Variants in PHF20L1 observed in about 807,000 individuals in gnomAD.
PHF20L1 encodes the protein PHD finger protein 20 like 1.
Under a neutral mutation model 125.5 loss-of-function variants are expected in PHF20L1, and 44 were observed. The observed-to-expected ratio is 0.35, with a 90% CI of 0.28 to 0.45. The LOEUF is 0.45. Ranked by LOEUF, PHF20L1 falls within the 20% of genes least tolerant of loss-of-function variation. The probability of loss-of-function intolerance (pLI) is 1.00; values close to 1 mark genes in which losing one functional copy is unlikely to be tolerated. For missense variants in PHF20L1, 1,012 were observed against 1,217.2 expected (o/e 0.83, Z 2.51); for synonymous variants, 380 against 403.1 (o/e 0.94, Z 0.69).
intron 12 of PHF20L1, 115 bp from the exon 13 acceptor site, chr8:132,823,889 C>T (rs1263614645): frequency 3.4e-6 from 2 of 586,856 alleles, no homozygotes; most frequent in East Asian, 3.0e-5. Flanking sequence ...ACATGTAGAC[C>T]GTTAGGAGAA....
chr8:132,827,005 A>G (rs1836255205), intron 14 of PHF20L1: 1 of 151,978 alleles, frequency 6.6e-6, no homozygotes, highest in Non-Finnish European at 1.5e-5. Context: ...AGAATGTGAA[A>G]TTTTCACATT....
chr8:132,817,189 T>TA, intron 11 of PHF20L1, 113 bp downstream of exon 11: 1 of 896,550 alleles, frequency 1.1e-6, no homozygotes, highest in South Asian at 1.8e-5. Flanking sequence ...CTTCTGGAGT[T>TA]ATAAGCACTT....
intron 2 of PHF20L1, among the ~76,000 whole-genome samples, chr8:132,786,012 T>C (rs1830983457): frequency 6.6e-6 from 1 of 152,140 alleles, no homozygotes; most frequent in African/African-American, 2.4e-5. Flanking sequence ...TTTTGGGATA[T>C]CTTGAAATAA....
chr8:132,789,941 T>G (rs909652029), intron 2 of PHF20L1, among the ~76,000 whole-genome samples: 21 of 152,290 alleles, frequency 1.4e-4, no homozygotes, highest in African/African-American at 4.8e-4. Context: ...TCTTTTCTCT[T>G]TATCTCTAAT....
At chr8:132,832,498 T>G in intron 15 of PHF20L1, 99 bp downstream of exon 15, 2 of 798,914 alleles carry the variant, frequency 2.5e-6, no homozygotes, top group Non-Finnish European at 4.0e-6. Context: ...ATTTAAAAAC[T>G]TGTTAGCTAA....
chr8:132,803,017 C>T (rs747019302), intron 6 of PHF20L1, among the ~76,000 whole-genome samples: 9 of 151,776 alleles, frequency 5.9e-5, no homozygotes, highest in African/African-American at 1.9e-4. Flanking sequence ...ACACTTTATA[C>T]TTCCTTACAC....
intron 10 of PHF20L1, chr8:132,816,523 T>A (rs1011586270): frequency 5.6e-6 from 1 of 177,036 alleles, no homozygotes; most frequent in Non-Finnish European, 1.2e-5. Flanking sequence ...ATATATATAT[T>A]TTTCCTTATC....
At chr8:132,795,452 T>C (rs1832275459) in intron 4 of PHF20L1, among the ~76,000 whole-genome samples, 1 of 152,116 alleles carries the variant, frequency 6.6e-6, no homozygotes, top group South Asian at 2.1e-4. Context: ...GGGAAATCTA[T>C]TGGACAGATC....
intron 8 of PHF20L1, chr8:132,809,696 C>T (rs945528036): frequency 5.3e-5 from 8 of 152,108 alleles, no homozygotes; most frequent in Non-Finnish European, 1.2e-4. Flanking sequence ...AACATGCTTC[C>T]TTTGGAGCAA....
At chr8:132,787,258 G>T (rs1306274393) in intron 2 of PHF20L1, among the ~76,000 whole-genome samples, 1 of 151,964 alleles carries the variant, frequency 6.6e-6, no homozygotes, top group Non-Finnish European at 1.5e-5. Flanking sequence ...GGATTCAGGT[G>T]CTGGGGGGGT....
chr8:132,837,273 A>G (rs1837463347), intron 16 of PHF20L1, among the ~76,000 whole-genome samples: 1 of 152,114 alleles, frequency 6.6e-6, no homozygotes, highest in East Asian at 1.9e-4. Context: ...TTTTCCTCCC[A>G]TTTTTCTGTG....
chr8:132,832,742 C>A (rs977924246), intron 15 of PHF20L1, among the ~76,000 whole-genome samples: 3 of 152,046 alleles, frequency 2.0e-5, no homozygotes, highest in African/African-American at 7.2e-5. Context: ...AGTAGCTTTT[C>A]GGCTTAGCTA....
intron 8 of PHF20L1, chr8:132,806,473 A>C (rs1833719292): frequency 6.6e-6 from 1 of 152,044 alleles, no homozygotes; most frequent in African/African-American, 2.4e-5. Context: ...TTACAGTTTG[A>C]CAGCAGCAGC....
intron 2 of PHF20L1, among the ~76,000 whole-genome samples, chr8:132,790,302 ATG>A (rs1163226348): frequency 1.3e-5 from 2 of 152,220 alleles, no homozygotes; most frequent in African/African-American, 4.8e-5. Context: ...AAACATTACT[ATG>A]AGCCATCTGC....
At chr8:132,839,163 G>C (rs1837674331) in intron 17 of PHF20L1, 1 of 502,720 alleles carries the variant, frequency 2.0e-6, no homozygotes, top group African/African-American at 1.9e-5. Flanking sequence ...ATCTGCCACT[G>C]ACCATGTCCT....
chr8:132,810,992 G>C (rs1301655210), intron 8 of PHF20L1, 54 bp from the exon 9 acceptor site: 36 of 1,060,528 alleles, frequency 3.4e-5, no homozygotes, highest in Non-Finnish European at 2.5e-5. Context: ...AAGTTAATTA[G>C]GGTGTAAATC....
At chr8:132,828,335 A>T (rs1026489267) in intron 14 of PHF20L1, among the ~76,000 whole-genome samples, 14 of 151,974 alleles carry the variant, frequency 9.2e-5, no homozygotes, top group African/African-American at 2.9e-4. Flanking sequence ...TAACTGAGAG[A>T]GAGTGAGAAA....
At chr8:132,812,036 G>A (rs1413308784) in intron 9 of PHF20L1, 1 of 984,066 alleles carries the variant, frequency 1.0e-6, no homozygotes, top group Non-Finnish European at 1.2e-6. Flanking sequence ...ACAATGCGTT[G>A]TTTTGGTGCC....
At chr8:132,825,061 C>T (rs1836016487) in intron 13 of PHF20L1, 3 of 1,479,662 alleles carry the variant, frequency 2.0e-6, no homozygotes, top group East Asian at 2.9e-5. Context: ...TTTCTCAGCA[C>T]TGCTAATGAA....
Sources: allele counts gnomAD v4.1 joint callset (sites outside exome capture counted in the v4.1 genomes callset), GRCh38; gene constraint gnomAD v4.1.1; transcripts MANE v1.5; gene names NCBI Gene and HGNC (gene_info 2026-07-23, HGNC 2026-07-21).